The following MAPT variants were observed in gnomAD, a reference collection of about 807,000 sequenced individuals.
The protein encoded by MAPT is microtubule-associated protein tau.
MAPT carries 34 observed loss-of-function variants against 67.9 expected under a neutral mutation model. That is an observed-to-expected ratio of 0.50 (90% CI 0.38 to 0.67). The LOEUF is 0.67. Ranked by LOEUF, MAPT falls within the 30% of genes least tolerant of loss-of-function variation. The pLI, the probability that MAPT is intolerant of heterozygous loss-of-function variation, is 0.00. For synonymous variants in MAPT, 456 were observed against 464.5 expected, an observed-to-expected ratio of 0.98 and a Z score of 0.23; for missense variants, 881 against 1,115.2, an observed-to-expected ratio of 0.79 and a Z score of 2.99.
intron 1 of MAPT, among the ~76,000 whole-genome samples, chr17:45,917,836 C>T (rs895359970): frequency 4.0e-5 from 6 of 151,434 alleles, no homozygotes; most frequent in African/African-American, 7.3e-5. Flanking sequence ...TGCAGTGGCA[C>T]GATCTCAGTT....
rs75944932 is a variant in MAPT, at chr17:45,995,057, A to T, written c.1733-1342A>T. Among the ~76,000 whole-genome samples, 1 of 151,930 alleles carries T rather than the reference A, an allele frequency of 6.6e-6. No homozygotes were observed. The highest frequency in any genetic ancestry group is 1.5e-5 in the Non-Finnish European group (1 of 67,964). On this transcript the variant is annotated intron_variant, in intron 8 of 12. Coordinates refer to ENST00000262410, the MANE Select transcript of MAPT (RefSeq NM_001377265.1). This position sits in a 1 kb window ranked among gnomAD's most constrained non-coding sequence, Gnocchi z 4.3. ...AATAAGACTCCGTCTCAAAAAAAAA[A>T]CCACAAAAAAACAAAACAACAACAA...
chr17:45,911,566 G>T (rs1011489616), intron 1 of MAPT, among the ~76,000 whole-genome samples: 1 of 152,112 alleles, frequency 6.6e-6, no homozygotes, highest in East Asian at 1.9e-4. Flanking sequence ...TCCGAGACCA[G>T]CCTGGGCAAC....
At chr17:45,962,213 G>A (rs2145304558) in intron 1 of MAPT, 108 bp from the exon 2 acceptor site, 2 of 896,406 alleles carry the variant, frequency 2.2e-6, no homozygotes, top group South Asian at 1.5e-5. Flanking sequence ...TAGCAGGGAG[G>A]CTGAGATCTG....
In MAPT at chr17:45,937,931, CCCA is replaced by C. The variant is rs553178674; in HGVS notation, c.-17-24387_-17-24385del. On this transcript the variant is annotated intron_variant, in intron 1 of 12. Coordinates refer to ENST00000262410, the MANE Select transcript of MAPT (RefSeq NM_001377265.1). Reference sequence around the variant, plus strand: ...TCTGCTGCAAGTGGGTGCTGCCATACCCACCTTACTGGGCAGGCTTGGGGGACC... The same window carrying C: ...TCTGCTGCAAGTGGGTGCTGCCATACCCTTACTGGGCAGGCTTGGGGGACC... Among the ~76,000 whole-genome samples the C allele has an allele frequency of 2.4e-3, 358 of 152,294 alleles. 1 individual carries two copies. The highest frequency in any genetic ancestry group is 0.017 in the Middle Eastern group (5 of 294).
intron 2 of MAPT, among the ~76,000 whole-genome samples, chr17:45,967,005 G>T (rs2071154642): frequency 6.6e-6 from 1 of 152,234 alleles, no homozygotes; most frequent in African/African-American, 2.4e-5. Context: ...TTGATGTCGG[G>T]TGTGACAGGT....
chr17:45,997,428 T>C (rs993281636), intron 9 of MAPT, among the ~76,000 whole-genome samples: 6 of 152,216 alleles, frequency 3.9e-5, no homozygotes, highest in Non-Finnish European at 7.3e-5. Context: ...CCTCTGTGTG[T>C]GCTCCTGGTA....
intron 1 of MAPT, among the ~76,000 whole-genome samples, chr17:45,951,657 G>C (rs893055455): frequency 2.0e-5 from 3 of 152,050 alleles, no homozygotes; most frequent in Admixed American, 2.0e-4. Context: ...TCTGAAGAAG[G>C]CACCAACAGT....
At chr17:46,004,576 A>G (rs2075278843) in intron 9 of MAPT, among the ~76,000 whole-genome samples, 1 of 152,242 alleles carries the variant, frequency 6.6e-6, no homozygotes, top group South Asian at 2.1e-4. Flanking sequence ...TTCTGATTTC[A>G]TAATGACAAC....
chr17:45,989,650 C>A (rs1257038109), intron 6 of MAPT, among the ~76,000 whole-genome samples: 1 of 151,930 alleles, frequency 6.6e-6, no homozygotes, highest in Non-Finnish European at 1.5e-5. Flanking sequence ...GACTCCGTCT[C>A]AAAAAAGAAA....
chr17:45,978,145 T>C, intron 3 of MAPT: 1 of 588,352 alleles, frequency 1.7e-6, no homozygotes, highest in South Asian at 1.9e-5. Flanking sequence ...TACTAGGTCA[T>C]AGCTACACCT....
chr17:45,924,868 C>T (rs2066129111), intron 1 of MAPT, among the ~76,000 whole-genome samples: 1 of 152,206 alleles, frequency 6.6e-6, no homozygotes, highest in Non-Finnish European at 1.5e-5. Context: ...GGGGGTGGCA[C>T]TTAATCTACA....
intron 1 of MAPT, among the ~76,000 whole-genome samples, chr17:45,928,292 C>T (rs1159049453): frequency 6.6e-6 from 1 of 152,150 alleles, no homozygotes; most frequent in East Asian, 1.9e-4. Flanking sequence ...ATACTATTCC[C>T]CTGGAATGTT....
At chr17:46,013,388 G>A (rs2075955281) in intron 10 of MAPT, among the ~76,000 whole-genome samples, 1 of 152,246 alleles carries the variant, frequency 6.6e-6, no homozygotes, top group African/African-American at 2.4e-5. Context: ...GCCCCCCACA[G>A]GGGAGCTGGT....
chr17:45,914,149 T>TG (rs1408703318), intron 1 of MAPT, among the ~76,000 whole-genome samples: 7 of 150,528 alleles, frequency 4.7e-5, no homozygotes, highest in Non-Finnish European at 8.9e-5. Flanking sequence ...AAAAAAAAAA[T>TG]TAATTTAAAA....
At chr17:46,018,805 G>A in intron 12 of MAPT, 75 bp downstream of exon 12, 1 of 1,095,714 alleles carries the variant, frequency 9.1e-7, no homozygotes, top group Non-Finnish European at 1.4e-6. Flanking sequence ...ACAAAGGCTG[G>A]TCCAGTTCCC....
At chr17:46,000,628 C>G (rs1464169441) in intron 9 of MAPT, among the ~76,000 whole-genome samples, 1 of 152,176 alleles carries the variant, frequency 6.6e-6, no homozygotes, top group Non-Finnish European at 1.5e-5. Flanking sequence ...TTGAGGTGGG[C>G]CTCCCCTGGG....
intron 1 of MAPT, chr17:45,895,586 G>A (rs1409714655): frequency 1.3e-5 from 2 of 152,294 alleles, no homozygotes; most frequent in East Asian, 3.9e-4. Context: ...GCATCTCGGG[G>A]CGGATTTCTT....
Position 46,026,088 on chromosome 17 carries a change from G to GAAAAAA in MAPT, c.*1930_*1935dup, listed in dbSNP as rs878859719. The GAAAAAA allele has an allele frequency of 1.1e-5, 1 of 92,566 alleles. No homozygotes were observed. 5.7% of individuals were successfully genotyped at this position (92,566 alleles called of 1,614,324 possible). A position where few individuals can be genotyped will look rare whatever the true frequency, so the allele number is the denominator to read the frequency against. On this transcript the variant is annotated 3_prime_UTR_variant, in exon 13 of 13. Coordinates refer to ENST00000262410, the MANE Select transcript of MAPT (RefSeq NM_001377265.1). Reference sequence around the variant, plus strand: ...ACCAGAGTGACTATGATAGTGAAAAGAAAAAAAAAAAAAAAAAAGGACGCA... The same window carrying GAAAAAA: ...ACCAGAGTGACTATGATAGTGAAAAGAAAAAAAAAAAAAAAAAAAAAAAAGGACGCA...
At chr17:46,007,476 G>C (rs1267311282) in intron 9 of MAPT, among the ~76,000 whole-genome samples, 1 of 152,042 alleles carries the variant, frequency 6.6e-6, no homozygotes, top group African/African-American at 2.4e-5. Context: ...GACAGAGTGA[G>C]AGCTTGTCTC....
Sources: allele counts gnomAD v4.1 joint callset (sites outside exome capture counted in the v4.1 genomes callset), GRCh38; gene constraint gnomAD v4.1.1; non-coding constraint Gnocchi (gnomAD v3.1); transcripts MANE v1.5; gene names NCBI Gene and HGNC (gene_info 2026-07-23, HGNC 2026-07-21).